SGCZ: variants seen among roughly 807,000 people sequenced by gnomAD.
The protein encoded by SGCZ is sarcoglycan zeta.
A neutral mutation model predicts 41.3 loss-of-function variants in SGCZ; 40 were observed. The ratio of observed to expected loss-of-function variants is 0.97; its 90% CI spans 0.75 to 1.26. The LOEUF is 1.26. SGCZ is among the 50% of genes most tolerant of loss of function. The pLI is 0.00. For synonymous variants in SGCZ, 206 were observed against 137.5 expected (o/e 1.50, Z -3.49); for missense variants, 552 against 369.8 (o/e 1.49, Z -4.04).
At chr8:14,440,239 A>G (rs1445599134) in intron 2 of SGCZ, among the ~76,000 whole-genome samples, 2 of 152,140 alleles carry the variant, frequency 1.3e-5, no homozygotes, top group East Asian at 1.9e-4. Flanking sequence ...ATCAAAAGAT[A>G]TAAAAGAGCT....
At chr8:14,447,119 A>G (rs970097285) in intron 2 of SGCZ, among the ~76,000 whole-genome samples, 1 of 152,124 alleles carries the variant, frequency 6.6e-6, no homozygotes, top group Non-Finnish European at 1.5e-5. Context: ...TAAAACACCA[A>G]CCTTCTACAA....
intron 1 of SGCZ, among the ~76,000 whole-genome samples, chr8:14,621,513 C>T (rs1262197728): frequency 6.6e-6 from 1 of 151,620 alleles, no homozygotes; most frequent in Non-Finnish European, 1.5e-5. Flanking sequence ...AATACAAACT[C>T]AAAACAAAAA....
chr8:14,625,158 G>A (rs1463100361), intron 1 of SGCZ, among the ~76,000 whole-genome samples: 1 of 152,140 alleles, frequency 6.6e-6, no homozygotes, highest in East Asian at 1.9e-4. Flanking sequence ...TTTGCTCACT[G>A]TGTTCAGTGT....
At position 14,454,073 on chromosome 8, in the gene SGCZ, C is replaced by T. The variant is rs542799662; in HGVS notation, c.234+100659G>A. Among the ~76,000 whole-genome samples the T allele has an allele frequency of 7.4e-4, 112 of 152,222 alleles. 1 individual carries two copies. Among genetic ancestry groups the T allele is most frequent in the South Asian group, 7.0e-3 (34 of 4,830 alleles). ...ATATTGACCTTCCAGTTGCTATCTACGATGACGTCCGCAGCAAGAATTTGG... is the reference window on the plus strand; with the variant it reads ...ATATTGACCTTCCAGTTGCTATCTATGATGACGTCCGCAGCAAGAATTTGG... On this transcript the variant is annotated intron_variant, in intron 2 of 7. Transcript: ENST00000382080.
chr8:14,614,116 A>G (rs1226752694), intron 1 of SGCZ, among the ~76,000 whole-genome samples: 1 of 152,132 alleles, frequency 6.6e-6, no homozygotes, highest in Non-Finnish European at 1.5e-5. Context: ...ATTACATTAC[A>G]CTAAATTATG....
At chr8:14,346,943 A>T (rs1025778614) in intron 2 of SGCZ, among the ~76,000 whole-genome samples, 1 of 152,034 alleles carries the variant, frequency 6.6e-6, no homozygotes, top group Non-Finnish European at 1.5e-5. Context: ...CTTTGATAAC[A>T]TATTTGTAAA....
chr8:14,533,040 A>C (rs569718804), intron 2 of SGCZ, among the ~76,000 whole-genome samples: 1 of 152,184 alleles, frequency 6.6e-6, no homozygotes, highest in South Asian at 2.1e-4. Flanking sequence ...ACATGTGCAC[A>C]AGGTGCAGGT....
intron 5 of SGCZ, among the ~76,000 whole-genome samples, chr8:14,112,069 A>T (rs576416408): frequency 6.6e-6 from 1 of 152,282 alleles, no homozygotes; most frequent in African/African-American, 2.4e-5. Context: ...CCAGAAGAAG[A>T]GGTAGCACAA....
intron 4 of SGCZ, among the ~76,000 whole-genome samples, chr8:14,181,786 A>T (rs996486110): frequency 2.6e-5 from 4 of 152,192 alleles, no homozygotes; most frequent in African/African-American, 9.7e-5. Flanking sequence ...TGGAACTGTG[A>T]GTCAGTTAAA....
chr8:14,933,454 C>T (rs1207130803), intron 1 of SGCZ, among the ~76,000 whole-genome samples: 2 of 118,042 alleles, frequency 1.7e-5, no homozygotes, highest in South Asian at 2.6e-4. Context: ...TTTTTGGAGA[C>T]GGAGTCTCGC....
chr8:15,069,165 T>C (rs746469808), intron 1 of SGCZ, among the ~76,000 whole-genome samples: 5 of 152,128 alleles, frequency 3.3e-5, no homozygotes, highest in African/African-American at 4.8e-5. Context: ...TTTATGACAA[T>C]ACAGAGGTTT....
intron 1 of SGCZ, among the ~76,000 whole-genome samples, chr8:15,097,844 ATATATATATATACGTGTGTGTG>A (rs755335091): frequency 0.4 from 14,644 of 36,382 alleles, 1,416 homozygotes; most frequent in East Asian, 0.5. Context: ...ACGTGTGTGT[ATATATATATATACGTGTGTGTG>A]TATATATATA....
At position 14,849,604 on chromosome 8, in the gene SGCZ, C is replaced by T. The variant is rs75045357; in HGVS notation, c.40-294678G>A. On this transcript the variant is annotated intron_variant, in intron 1 of 7. Transcript: ENST00000382080. ...GAAGAAAATGCAAACTAATCTATCACGAAATGAAGCAGATCAGGGCTTTTC... is the reference window on the plus strand; with the variant it reads ...GAAGAAAATGCAAACTAATCTATCATGAAATGAAGCAGATCAGGGCTTTTC... Among the ~76,000 whole-genome samples the T allele has an allele frequency of 9.4e-3, 1,429 of 152,124 alleles. 16 individuals are homozygous for T. Among genetic ancestry groups the T allele is most frequent in the African/African-American group, 0.032 (1,339 of 41,512 alleles).
At chr8:14,925,392 A>G (rs1404082034) in intron 1 of SGCZ, among the ~76,000 whole-genome samples, 1 of 152,184 alleles carries the variant, frequency 6.6e-6, no homozygotes, top group Non-Finnish European at 1.5e-5. Context: ...CGGAAAAAGG[A>G]AAGGACAATT....
chr8:14,515,221 C>T (rs1352427533), intron 2 of SGCZ, among the ~76,000 whole-genome samples: 1 of 152,036 alleles, frequency 6.6e-6, no homozygotes, highest in African/African-American at 2.4e-5. Context: ...GACATTAATA[C>T]ATGTATCCAG....
At chr8:14,274,264 C>T (rs968471082) in intron 3 of SGCZ, among the ~76,000 whole-genome samples, 1 of 152,044 alleles carries the variant, frequency 6.6e-6, no homozygotes, top group African/African-American at 2.4e-5. Flanking sequence ...CATATTCTGA[C>T]CTCTTTTGTG....
chr8:14,168,718 G>A (rs927796259), intron 4 of SGCZ, among the ~76,000 whole-genome samples: 9 of 152,070 alleles, frequency 5.9e-5, no homozygotes, highest in African/African-American at 2.2e-4. Flanking sequence ...TACGCATTGT[G>A]AGTTCTTTTA....
chr8:14,397,306 G>T (rs535827016), intron 2 of SGCZ, among the ~76,000 whole-genome samples: 1 of 152,164 alleles, frequency 6.6e-6, no homozygotes, highest in East Asian at 1.9e-4. Context: ...GTAAAAACAA[G>T]CACGAAAATT....
Position 14,264,708 on chromosome 8 carries a change from T to A in SGCZ, c.337-27029A>T, listed in dbSNP as rs1408532018. Reference sequence around the variant, plus strand: ...CGGGAGCGGAGTCTCACGCCTGTAATCCCAGCACTTTGGGAGTCCGAGGCG... The same window carrying A: ...CGGGAGCGGAGTCTCACGCCTGTAAACCCAGCACTTTGGGAGTCCGAGGCG... On this transcript the variant is annotated intron_variant, in intron 3 of 7. Transcript: ENST00000382080. 2.0e-4 allele frequency among the ~76,000 whole-genome samples: 31 copies of A among 152,156 alleles called. 1 individual carries two copies. The highest frequency in any genetic ancestry group is 2.0e-3 in the Admixed American group (31 of 15,274).
Sources: gnomAD v4.1 joint callset for allele counts (sites outside exome capture counted in the v4.1 genomes callset) on GRCh38, gnomAD v4.1.1 for gene constraint, MANE v1.5 for transcripts, NCBI Gene and HGNC (gene_info 2026-07-23, HGNC 2026-07-21) for gene names.